Variants in DACH1 observed in about 807,000 individuals in gnomAD.
DACH1 encodes the protein dachshund family transcription factor 1.
A neutral mutation model predicts 54.2 loss-of-function variants in DACH1; 12 were observed. That is an observed-to-expected ratio of 0.22 (90% confidence interval 0.14 to 0.36). The LOEUF is 0.36. DACH1 is among the 10% of genes least tolerant of loss of function. The pLI, the probability that DACH1 is intolerant of heterozygous loss-of-function variation, is 1.00. For missense variants in DACH1, 805 were observed against 929.8 expected, an observed-to-expected ratio of 0.87 and a Z score of 1.75; for synonymous variants, 386 against 366.2, an observed-to-expected ratio of 1.05 and a Z score of -0.62.
intron 1 of DACH1, among the ~76,000 whole-genome samples, chr13:71,763,959 G>A (rs761694446): frequency 6.6e-6 from 1 of 151,934 alleles, no homozygotes; most frequent in Non-Finnish European, 1.5e-5. Flanking sequence ...TATTTTTAAC[G>A]AACATTTGTT....
At chr13:71,510,840 T>C (rs1373826600) in intron 6 of DACH1, among the ~76,000 whole-genome samples, 2 of 151,968 alleles carry the variant, frequency 1.3e-5, no homozygotes, top group Non-Finnish European at 2.9e-5. Context: ...TGCAGTAAAA[T>C]ACTTTTATCT....
intron 3 of DACH1, among the ~76,000 whole-genome samples, chr13:71,629,288 T>C (rs1377832496): frequency 6.6e-6 from 1 of 152,210 alleles, no homozygotes; most frequent in Non-Finnish European, 1.5e-5. Context: ...TCTGCAGTTG[T>C]AGGGCCATCT....
chr13:71,862,191 T>C (rs1874405093), intron 1 of DACH1, among the ~76,000 whole-genome samples: 1 of 151,976 alleles, frequency 6.6e-6, no homozygotes, highest in South Asian at 2.1e-4. Context: ...AAAATTATCT[T>C]CTTACAACAA....
At chr13:71,703,499 G>A (rs1882265939) in intron 1 of DACH1, among the ~76,000 whole-genome samples, 1 of 152,192 alleles carries the variant, frequency 6.6e-6, no homozygotes, top group Admixed American at 6.5e-5. Flanking sequence ...GTTGTCATAA[G>A]CCAGTGAGAT....
chr13:71,865,828 G>T (rs546540216), intron 1 of DACH1, 94 bp downstream of exon 1: 881 of 1,333,530 alleles, frequency 6.6e-4, no homozygotes, highest in Non-Finnish European at 7.6e-4. Flanking sequence ...GCTCGCGGGC[G>T]CGCAGAGCGA....
At position 71,835,299 on chromosome 13, in the gene DACH1, C is replaced by G. The variant is rs534008527; in HGVS notation, c.848+30623G>C. 2.0e-5 allele frequency among the ~76,000 whole-genome samples: 3 copies of G among 151,954 alleles called. No individual in the cohort carries two copies. The South Asian group carries it at 6.2e-4, about 32-fold the overall frequency. The stretch of plus-strand genomic sequence containing the variant: ...ATGTATACAAATACAAGAAACAGAG[C>G]AAAAGGACTGGAAGAAGTAAACTAA... On this transcript the variant is annotated intron_variant, in intron 1 of 10. Transcript: ENST00000613252.
In DACH1 at chr13:71,866,296, G is replaced by GCTGCTGCTGCTACTA. The variant is rs967181962; in HGVS notation, c.459_473dup (p.Ser159_Ser163dup). 6.4e-6 allele frequency: 10 copies of GCTGCTGCTGCTACTA among 1,551,066 alleles called. No homozygotes were observed. Among genetic ancestry groups the GCTGCTGCTGCTACTA allele is most frequent in the South Asian group, 1.2e-5 (1 of 84,828 alleles). Reference sequence around the variant, plus strand: ...GGGGGCCGCAGCTGCTGCTGCTACTGCTGCTGCTGCTACTACTGCTGCTGC... The same window carrying GCTGCTGCTGCTACTA: ...GGGGGCCGCAGCTGCTGCTGCTACTGCTGCTGCTGCTACTACTGCTGCTGCTACTACTGCTGCTGC... On this transcript the variant is annotated inframe_insertion, in exon 1 of 11. Transcript: ENST00000613252.
At chr13:71,546,228 G>A (rs2138344507) in intron 6 of DACH1, among the ~76,000 whole-genome samples, 1 of 152,088 alleles carries the variant, frequency 6.6e-6, no homozygotes, top group Non-Finnish European at 1.5e-5. Flanking sequence ...AGGATTGTCA[G>A]ACTGATTTAC....
At chr13:71,821,898 T>A (rs1040697450) in intron 1 of DACH1, among the ~76,000 whole-genome samples, 1 of 151,938 alleles carries the variant, frequency 6.6e-6, no homozygotes, top group African/African-American at 2.4e-5. Context: ...CTGTCTCTAC[T>A]AAAAATACAA....
At chr13:71,681,347 A>T (rs1018780567) in intron 2 of DACH1, among the ~76,000 whole-genome samples, 1 of 152,158 alleles carries the variant, frequency 6.6e-6, no homozygotes, top group Non-Finnish European at 1.5e-5. Flanking sequence ...AAATTACGAG[A>T]CATTTCTATT....
intron 2 of DACH1, among the ~76,000 whole-genome samples, chr13:71,657,021 C>G (rs527442741): frequency 6.9e-6 from 1 of 145,822 alleles, no homozygotes; most frequent in Admixed American, 6.8e-5. Flanking sequence ...TATACACACA[C>G]ACACATATAT....
chr13:71,830,264 C>A (rs576365584), intron 1 of DACH1, among the ~76,000 whole-genome samples: 1 of 151,924 alleles, frequency 6.6e-6, no homozygotes, highest in African/African-American at 2.4e-5. Context: ...GAAACAGAAT[C>A]AAGTTAGCGT....
intron 1 of DACH1, among the ~76,000 whole-genome samples, chr13:71,791,635 T>A (rs576890438): frequency 6.6e-6 from 1 of 152,244 alleles, no homozygotes; most frequent in South Asian, 2.1e-4. Context: ...CCACCCGCCT[T>A]GGCCTCCCAA....
chr13:71,483,235 T>A (rs1271518250), intron 7 of DACH1, among the ~76,000 whole-genome samples: 1 of 151,460 alleles, frequency 6.6e-6, no homozygotes, highest in Non-Finnish European at 1.5e-5. Context: ...TAATTACGAT[T>A]GAAAATAAAA....
At position 71,824,070 on chromosome 13, in the gene DACH1, C is replaced by T. The variant is rs565931153; in HGVS notation, c.848+41852G>A. On this transcript the variant is annotated intron_variant, in intron 1 of 10. Transcript: ENST00000613252. ...ATGCCATGTAATAAAAGAACTAATACAATTATATTATATTCAATTTAAAAA... is the reference window on the plus strand; with the variant it reads ...ATGCCATGTAATAAAAGAACTAATATAATTATATTATATTCAATTTAAAAA... 2.0e-5 allele frequency among the ~76,000 whole-genome samples: 3 copies of T among 151,934 alleles called. No homozygotes were observed. In the South Asian group the frequency reaches 6.2e-4, roughly 31 times the overall value.
intron 2 of DACH1, among the ~76,000 whole-genome samples, chr13:71,636,260 T>C (rs1403002641): frequency 1.3e-5 from 2 of 152,124 alleles, no homozygotes; most frequent in African/African-American, 4.8e-5. Flanking sequence ...AAGTATCTCC[T>C]ACACCAAGAC....
At position 71,817,465 on chromosome 13, in the gene DACH1, C is replaced by T. The variant is rs185573564; in HGVS notation, c.848+48457G>A. Among the ~76,000 whole-genome samples, 141 of 152,288 alleles carry T rather than the reference C, an allele frequency of 9.3e-4. 2 individuals are homozygous for T. Among genetic ancestry groups the T allele is most frequent in the African/African-American group, 3.2e-3 (131 of 41,564 alleles). ...TTGTTCTCTTAGAAAATGGCAAACC[C>T]TTCTCTAGGTGTTGGTAGTTCTAGG... On this transcript the variant is annotated intron_variant, in intron 1 of 10. Transcript: ENST00000613252.
intron 6 of DACH1, among the ~76,000 whole-genome samples, chr13:71,504,211 A>C (rs1352625248): frequency 2.0e-5 from 3 of 152,330 alleles, no homozygotes; most frequent in African/African-American, 7.2e-5. Context: ...TGGCTCAAAA[A>C]GTCAACAATT....
intron 6 of DACH1, among the ~76,000 whole-genome samples, chr13:71,514,670 C>T (rs963974295): frequency 2.0e-5 from 3 of 151,764 alleles, no homozygotes; most frequent in African/African-American, 7.3e-5. Context: ...CATGCATATC[C>T]TTTATGTTAG....
Sources: allele counts gnomAD v4.1 joint callset (sites outside exome capture counted in the v4.1 genomes callset), GRCh38; gene constraint gnomAD v4.1.1; transcripts MANE v1.5; gene names NCBI Gene and HGNC (gene_info 2026-07-23, HGNC 2026-07-21).